USP46: variants seen among roughly 807,000 people sequenced by gnomAD.
The protein encoded by USP46 is ubiquitin specific peptidase 46.
USP46 carries 12 observed loss-of-function variants against 44.4 expected under a neutral mutation model. The observed-to-expected ratio is 0.27, with a 90% CI of 0.17 to 0.44. The LOEUF (loss-of-function observed/expected upper bound fraction) is 0.44. USP46 is among the 20% of genes least tolerant of loss of function. USP46 has a pLI of 1.00. For missense variants in USP46, 248 were observed against 444.8 expected, an observed-to-expected ratio of 0.56 and a Z score of 3.98; for synonymous variants, 155 against 161.5, an observed-to-expected ratio of 0.96 and a Z score of 0.31.
At chr4:52,613,100 G>C (rs1347603458) in intron 4 of USP46, among the ~76,000 whole-genome samples, 1 of 152,148 alleles carries the variant, frequency 6.6e-6, no homozygotes. Context: ...TGGAGGAGGA[G>C]AGCTGTACAC....
intron 1 of USP46, among the ~76,000 whole-genome samples, chr4:52,632,994 G>GAAAGAAAGAAAGA (rs1717964563): frequency 1.1e-5 from 1 of 91,324 alleles, no homozygotes; most frequent in East Asian, 3.4e-4. Flanking sequence ...GAAAAGAAAA[G>GAAAGAAAGAAAGA]AAAGAAAGAA....
Position 52,656,848 on chromosome 4 carries a change from T to C in USP46, c.36+2267A>G, listed in dbSNP as rs1158380988. On this transcript the variant is annotated intron_variant, in intron 1 of 8. Transcript: ENST00000441222. ...TGAGCCCAGGTATTAGGGACCAGCCTGGGCAACATAGGGAGACCCAGTCTC... is the reference window on the plus strand; with the variant it reads ...TGAGCCCAGGTATTAGGGACCAGCCCGGGCAACATAGGGAGACCCAGTCTC... Among the ~76,000 whole-genome samples, 9 of 151,812 alleles carry C rather than the reference T, an allele frequency of 5.9e-5. No homozygotes were observed. In the East Asian group the frequency reaches 1.8e-3, roughly 30 times the overall value.
intron 4 of USP46, among the ~76,000 whole-genome samples, chr4:52,611,126 G>T (rs1716918560): frequency 6.6e-6 from 1 of 152,208 alleles, no homozygotes; most frequent in Admixed American, 6.5e-5. Flanking sequence ...CAATGGGCTG[G>T]AGAATCGCAC....
intron 1 of USP46, among the ~76,000 whole-genome samples, chr4:52,637,107 G>C (rs977662154): frequency 1.3e-5 from 2 of 152,146 alleles, no homozygotes; most frequent in African/African-American, 4.8e-5. Flanking sequence ...ACTGCACCCA[G>C]CCTCCTAATA....
intron 5 of USP46, among the ~76,000 whole-genome samples, chr4:52,605,664 C>T (rs1033705486): frequency 1.3e-5 from 2 of 152,190 alleles, no homozygotes; most frequent in Non-Finnish European, 2.9e-5. Flanking sequence ...TGCCTTCATA[C>T]GGCTCACACT....
chr4:52,631,976 A>C (rs1717842217), intron 1 of USP46, among the ~76,000 whole-genome samples: 1 of 149,400 alleles, frequency 6.7e-6, no homozygotes, highest in South Asian at 2.3e-4. Context: ...ACTGCACTCC[A>C]GCCTGGGTAC....
chr4:52,639,237 ACTATAT>A, intron 1 of USP46, among the ~76,000 whole-genome samples: 1 of 152,316 alleles, frequency 6.6e-6, no homozygotes, highest in African/African-American at 2.4e-5. Flanking sequence ...TTTTTATTCT[ACTATAT>A]TTTCACAGAA....
At chr4:52,634,433 C>T (rs1205231722) in intron 1 of USP46, among the ~76,000 whole-genome samples, 1 of 145,818 alleles carries the variant, frequency 6.9e-6, no homozygotes, top group East Asian at 2.1e-4. Flanking sequence ...CACTTGAACC[C>T]AGGAGGCGGA....
intron 1 of USP46, among the ~76,000 whole-genome samples, chr4:52,636,786 C>T (rs1238500862): frequency 6.7e-6 from 1 of 148,582 alleles, no homozygotes; most frequent in African/African-American, 2.5e-5. Flanking sequence ...TACAAAATGT[C>T]TCAGGTGTTC....
At chr4:52,650,374 C>T (rs936152948) in intron 1 of USP46, among the ~76,000 whole-genome samples, 4 of 152,152 alleles carry the variant, frequency 2.6e-5, no homozygotes, top group Admixed American at 1.3e-4. Context: ...CACACACAAA[C>T]GTTGCAATCC....
At position 52,631,080 on chromosome 4, in the gene USP46, T is replaced by C. The variant is rs773847538; in HGVS notation, c.101A>G (p.Tyr34Cys). 6.4e-7 allele frequency: 1 copy of C among 1,566,536 alleles called. No homozygotes were observed. Among genetic ancestry groups the C allele is most frequent in the Non-Finnish European group, 8.7e-7 (1 of 1,153,698 alleles). ...GPEQFPINEH[Y>C]FGLVNFGNTC... ...CATACTTACATTGACCAATCCGAAA[T>C]AGTGTTCATTGATTGGAAACTGCTC... The change falls in exon 2 of 9, where the codon TAT (tyrosine) becomes TGT (cysteine). Residue 34 changes from tyrosine to cysteine, a missense_variant. Transcript: ENST00000441222.
At chr4:52,628,681 A>G (rs1388067325) in intron 2 of USP46, among the ~76,000 whole-genome samples, 3 of 152,062 alleles carry the variant, frequency 2.0e-5, no homozygotes, top group African/African-American at 7.2e-5. Context: ...ATATTCCAGT[A>G]CTCCTGCCCA....
At chr4:52,646,302 G>C (rs1156861609) in intron 1 of USP46, among the ~76,000 whole-genome samples, 1 of 151,932 alleles carries the variant, frequency 6.6e-6, no homozygotes, top group Admixed American at 6.6e-5. Flanking sequence ...GTCCCTCCTG[G>C]GTCAGTATTG....
chr4:52,601,263 CA>C (rs1560390402), intron 7 of USP46, among the ~76,000 whole-genome samples: 1 of 152,104 alleles, frequency 6.6e-6, no homozygotes, highest in Admixed American at 6.5e-5. Flanking sequence ...TCCCTTATAC[CA>C]AATTATGGAA....
At chr4:52,651,767 C>T (rs1393973805) in intron 1 of USP46, among the ~76,000 whole-genome samples, 1 of 152,196 alleles carries the variant, frequency 6.6e-6, no homozygotes, top group African/African-American at 2.4e-5. Flanking sequence ...ACACGATTTT[C>T]ACTAAAGCCA....
chr4:52,617,653 A>G (rs1039117074), intron 4 of USP46, among the ~76,000 whole-genome samples: 1 of 152,186 alleles, frequency 6.6e-6, no homozygotes, highest in African/African-American at 2.4e-5. Flanking sequence ...GCAATTAATG[A>G]TCAAATAATG....
intron 4 of USP46, among the ~76,000 whole-genome samples, chr4:52,624,420 C>T (rs1717498415): frequency 6.6e-6 from 1 of 152,120 alleles, no homozygotes; most frequent in African/African-American, 2.4e-5. Flanking sequence ...AATTTTAGAA[C>T]GTTACAAATT....
chr4:52,610,526 TCA>T lies in USP46; in HGVS notation c.638+13_638+14del. ...AGCCTGATCAAAAGCTCAAACTGCC[TCA>T]GAGTTCATATACCTTAGACAGTGGG... On this transcript the variant is annotated intron_variant, in intron 5 of 8. Coordinates refer to ENST00000441222, the MANE Select transcript of USP46 (RefSeq NM_022832.4). 6.2e-7 allele frequency: 1 copy of T among 1,612,604 alleles called. No homozygotes were observed. Among genetic ancestry groups the T allele is most frequent in the Non-Finnish European group, 8.5e-7 (1 of 1,179,104 alleles).
At chr4:52,620,204 T>C (rs753001681) in intron 4 of USP46, among the ~76,000 whole-genome samples, 21 of 152,168 alleles carry the variant, frequency 1.4e-4, no homozygotes, top group African/African-American at 2.4e-4. Flanking sequence ...GACCTTTTCA[T>C]AGAAAAACAA....
Sources: allele counts gnomAD v4.1 joint callset (sites outside exome capture counted in the v4.1 genomes callset), GRCh38; gene constraint gnomAD v4.1.1; transcripts MANE v1.5; gene names NCBI Gene and HGNC (gene_info 2026-07-23, HGNC 2026-07-21).